The following CSMD1 variants were observed in gnomAD, a reference collection of about 807,000 sequenced individuals.
CSMD1 encodes the protein CUB and Sushi multiple domains 1.
Under a neutral mutation model 417.5 loss-of-function variants are expected in CSMD1, and 213 were observed. The ratio of observed to expected loss-of-function variants is 0.51; its 90% confidence interval spans 0.46 to 0.57. The LOEUF (loss-of-function observed/expected upper bound fraction) is 0.57. CSMD1 is among the 20% of genes least tolerant of loss of function. The pLI is 0.00. For missense variants in CSMD1, 6,923 were observed against 4,529.7 expected (o/e 1.53, Z -15.17); for synonymous variants, 2,862 against 1,736.8 (o/e 1.65, Z -16.11).
intron 26 of CSMD1, among the ~76,000 whole-genome samples, chr8:3,268,541 C>A (rs994275383): frequency 1.3e-5 from 2 of 151,948 alleles, no homozygotes; most frequent in African/African-American, 4.8e-5. Context: ...CCACCTCGGC[C>A]TCCTAAAGTG....
intron 2 of CSMD1, among the ~76,000 whole-genome samples, chr8:4,535,358 G>T (rs1215255314): frequency 1.3e-5 from 2 of 151,982 alleles, no homozygotes; most frequent in Non-Finnish European, 2.9e-5. Flanking sequence ...TTTATTTATT[G>T]CTATTTTTAG....
chr8:3,097,458 G>GC (rs751329214), intron 46 of CSMD1, among the ~76,000 whole-genome samples: 8 of 121,196 alleles, frequency 6.6e-5, no homozygotes, highest in African/African-American at 1.8e-4. Context: ...ATATACAGTA[G>GC]GCCCCCTTAC....
intron 21 of CSMD1, among the ~76,000 whole-genome samples, chr8:3,353,481 C>G (rs945937525): frequency 2.0e-5 from 3 of 152,130 alleles, no homozygotes; most frequent in Non-Finnish European, 4.4e-5. Flanking sequence ...TACACAAAAA[C>G]AGATACAACA....
At chr8:3,966,325 C>A (rs1812676090) in intron 5 of CSMD1, among the ~76,000 whole-genome samples, 1 of 152,152 alleles carries the variant, frequency 6.6e-6, no homozygotes, top group Non-Finnish European at 1.5e-5. Context: ...AAAGAAATAG[C>A]ATCTTGCTCA....
At chr8:3,215,332 C>T (rs1797821364) in intron 29 of CSMD1, among the ~76,000 whole-genome samples, 1 of 152,208 alleles carries the variant, frequency 6.6e-6, no homozygotes, top group Non-Finnish European at 1.5e-5. Context: ...GATGGTCAAA[C>T]ATTGTGCACT....
At chr8:4,358,494 T>G (rs1358452423) in intron 3 of CSMD1, among the ~76,000 whole-genome samples, 1 of 152,204 alleles carries the variant, frequency 6.6e-6, no homozygotes, top group Non-Finnish European at 1.5e-5. Context: ...GGTGTATGTC[T>G]CCTTTTGCGA....
chr8:4,824,166 T>C (rs1799681055), intron 1 of CSMD1, among the ~76,000 whole-genome samples: 2 of 151,946 alleles, frequency 1.3e-5, no homozygotes, highest in South Asian at 2.1e-4. Flanking sequence ...GATGCCTATA[T>C]ATATTTTTGG....
At chr8:4,384,687 A>C (rs983474497) in intron 3 of CSMD1, among the ~76,000 whole-genome samples, 2 of 152,152 alleles carry the variant, frequency 1.3e-5, no homozygotes, top group East Asian at 3.9e-4. Flanking sequence ...AACAGACACG[A>C]GTGGGCCTTT....
At chr8:3,965,811 G>A (rs967257929) in intron 5 of CSMD1, among the ~76,000 whole-genome samples, 4 of 151,952 alleles carry the variant, frequency 2.6e-5, no homozygotes, top group African/African-American at 7.3e-5. Context: ...TAGAGATGGG[G>A]TTTCACCATG....
intron 3 of CSMD1, among the ~76,000 whole-genome samples, chr8:4,143,474 A>C (rs563393281): frequency 6.7e-6 from 1 of 150,298 alleles, no homozygotes; most frequent in South Asian, 2.1e-4. Context: ...GGTGTTTAAT[A>C]TATGGCTCAT....
intron 61 of CSMD1, 48 bp downstream of exon 61, chr8:2,962,418 A>T: frequency 2.0e-6 from 3 of 1,533,042 alleles, no homozygotes; most frequent in Non-Finnish European, 2.7e-6. Context: ...AAGCGTCCTC[A>T]TCTCCAAATA....
chr8:4,228,927 A>T (rs984159543), intron 3 of CSMD1, among the ~76,000 whole-genome samples: 1 of 152,028 alleles, frequency 6.6e-6, no homozygotes, highest in Admixed American at 6.6e-5. Flanking sequence ...TCGGTCTCCA[A>T]AAGTGCTGGG....
At chr8:4,097,022 C>G (rs1019911001) in intron 3 of CSMD1, among the ~76,000 whole-genome samples, 1 of 152,034 alleles carries the variant, frequency 6.6e-6, no homozygotes, top group Non-Finnish European at 1.5e-5. Flanking sequence ...ATTTTTCCAC[C>G]CCCATCTTTT....
chr8:4,274,151 T>G (rs1440812753), intron 3 of CSMD1, among the ~76,000 whole-genome samples: 1 of 152,178 alleles, frequency 6.6e-6, no homozygotes, highest in Non-Finnish European at 1.5e-5. Flanking sequence ...TAATACTCAC[T>G]AATGTATTTT....
intron 1 of CSMD1, among the ~76,000 whole-genome samples, chr8:4,821,114 C>T (rs751132398): frequency 6.6e-6 from 1 of 152,048 alleles, no homozygotes; most frequent in Non-Finnish European, 1.5e-5. Context: ...TACTTAAGAT[C>T]TCGGTTGTAT....
chr8:3,818,580 G>A (rs1171082372), intron 5 of CSMD1, among the ~76,000 whole-genome samples: 2 of 152,206 alleles, frequency 1.3e-5, no homozygotes, highest in East Asian at 1.9e-4. Context: ...TGAAGGAGGT[G>A]CAAGAATGAG....
chr8:4,526,345 G>A, intron 2 of CSMD1, among the ~76,000 whole-genome samples: 1 of 152,292 alleles, frequency 6.6e-6, no homozygotes, highest in African/African-American at 2.4e-5. Flanking sequence ...TATGGTATTA[G>A]GTTCACGCTG....
rs373132461 is a variant in CSMD1, at chr8:3,316,418, C to CAGAT, written c.3632-7919_3632-7916dup. On this transcript the variant is annotated intron_variant, in intron 23 of 69. Coordinates refer to ENST00000635120, the MANE Select transcript of CSMD1 (RefSeq NM_033225.6). ...CTATCTTCCCCTGTCTAATGAATGACAGATAGGAAATAAATACTTATAAAA... is the reference window on the plus strand; with the variant it reads ...CTATCTTCCCCTGTCTAATGAATGACAGATAGATAGGAAATAAATACTTATAAAA... Among the ~76,000 whole-genome samples the CAGAT allele has an allele frequency of 1.5e-3, 231 of 152,128 alleles. 5 individuals are homozygous for CAGAT. In the East Asian group the frequency reaches 0.028, roughly 19 times the overall value.
chr8:3,706,912 T>C (rs530740865), intron 7 of CSMD1, among the ~76,000 whole-genome samples: 2 of 152,214 alleles, frequency 1.3e-5, no homozygotes, highest in East Asian at 1.9e-4. Flanking sequence ...AGTTTTCCCA[T>C]CCTTTTCCAA....
Sources: allele counts gnomAD v4.1 joint callset (sites outside exome capture counted in the v4.1 genomes callset), GRCh38; gene constraint gnomAD v4.1.1; transcripts MANE v1.5; gene names NCBI Gene and HGNC (gene_info 2026-07-23, HGNC 2026-07-21).